The following TRPM2 variants were observed in gnomAD, a reference collection of about 807,000 sequenced individuals.
TRPM2 encodes transient receptor potential cation channel subfamily M member 2.
A neutral mutation model predicts 174.0 loss-of-function variants in TRPM2; 161 were observed. The observed-to-expected ratio is 0.93, with a 90% CI of 0.81 to 1.05. The LOEUF (loss-of-function observed/expected upper bound fraction) is 1.05, where lower values mean the gene tolerates loss of function less well. TRPM2 is among the 50% of genes least tolerant of loss of function. The probability of loss-of-function intolerance (pLI) is 0.00; values close to 1 mark genes in which losing one functional copy is unlikely to be tolerated. For missense variants in TRPM2, 2,057 were observed against 2,038.0 expected, an observed-to-expected ratio of 1.01 and a Z score of -0.18; for synonymous variants, 954 against 861.3, an observed-to-expected ratio of 1.11 and a Z score of -1.88.
chr21:44,440,651 G>A (rs938405717), intron 30 of TRPM2, 138 bp from the exon 31 acceptor site: 89 of 748,792 alleles, frequency 1.2e-4, no homozygotes, highest in Non-Finnish European at 1.9e-4. Flanking sequence ...GCTGGCGGGG[G>A]CTGGGGAGAG....
rs541377182 is a variant in TRPM2, at chr21:44,410,734, A to G, written c.2963-3157A>G. 4.1e-5 allele frequency among the ~76,000 whole-genome samples: 2 copies of G among 48,494 alleles called. 1 individual carries two copies. Among genetic ancestry groups the G allele is most frequent in the African/African-American group, 1.4e-4 (2 of 14,084 alleles). The allele number at this position is 48,494 out of a possible 152,430, so 31.8% of individuals were successfully genotyped here. On this transcript the variant is annotated intron_variant, in intron 19 of 31. Transcript: ENST00000397928. ...TAGCCTTGTAGTAAGTTTTGACCAC[A>G]CTGTCTTGTTGAGCGTAGCCTTGTA...
At chr21:44,368,721 C>T (rs556388714) in intron 4 of TRPM2, among the ~76,000 whole-genome samples, 1 of 152,136 alleles carries the variant, frequency 6.6e-6, no homozygotes, top group Non-Finnish European at 1.5e-5. Flanking sequence ...CGTGAGCCAC[C>T]GTGCCCGGCC....
chr21:44,427,815 T>C (rs1288317561), intron 27 of TRPM2, among the ~76,000 whole-genome samples: 1 of 151,356 alleles, frequency 6.6e-6, no homozygotes, highest in Non-Finnish European at 1.5e-5. Flanking sequence ...GGAGGTTGAG[T>C]AAGGAGGTGG....
At chr21:44,379,489 A>G (rs1049466404) in intron 8 of TRPM2, among the ~76,000 whole-genome samples, 2 of 152,098 alleles carry the variant, frequency 1.3e-5, no homozygotes, top group Admixed American at 1.3e-4. Context: ...GGTCTGCTGG[A>G]TTGGAGGGGT....
chr21:44,429,721 GTAAA>G (rs1164587712), intron 27 of TRPM2, among the ~76,000 whole-genome samples: 21 of 152,212 alleles, frequency 1.4e-4, no homozygotes, highest in African/African-American at 4.1e-4. Context: ...GATTTTCTAT[GTAAA>G]TAATATATAT....
At chr21:44,377,090 G>C (rs1258305849) in intron 6 of TRPM2, among the ~76,000 whole-genome samples, 1 of 152,206 alleles carries the variant, frequency 6.6e-6, no homozygotes, top group Non-Finnish European at 1.5e-5. Flanking sequence ...CACACTTTGA[G>C]AACCTGCTTG....
At position 44,406,680 on chromosome 21, in the gene TRPM2, C is replaced by G; in HGVS notation, c.2877C>G (p.Asn959Lys). Residue 959 changes from asparagine (N) to lysine (K), a missense_variant, in exon 19 of 32, where the codon AAC becomes AAG. Coordinates refer to ENST00000397928, the MANE Select transcript of TRPM2 (RefSeq NM_003307.4). ...CCAAGCAGGCCATCCTCATCCACAA[C>G]GAGCGCCGGGTGGACTGGCTGTTCC... ...GVAKQAILIHNERRVDWLFRG... is the reference protein window; with the variant it reads ...GVAKQAILIHKERRVDWLFRG... 1 of 1,610,414 alleles carries G rather than the reference C, an allele frequency of 6.2e-7. No individual in the cohort carries two copies. Among genetic ancestry groups the G allele is most frequent in the Non-Finnish European group, 8.5e-7 (1 of 1,179,418 alleles).
intron 11 of TRPM2, among the ~76,000 whole-genome samples, chr21:44,392,026 G>A (rs533526337): frequency 5.5e-4 from 84 of 152,114 alleles, no homozygotes; most frequent in East Asian, 3.9e-3. Context: ...GTGCAGTGGC[G>A]TGATCTTAGC....
At chr21:44,356,923 T>C (rs1039848956) in intron 2 of TRPM2, among the ~76,000 whole-genome samples, 14 of 152,246 alleles carry the variant, frequency 9.2e-5, no homozygotes, top group African/African-American at 3.4e-4. Flanking sequence ...TGGGAGTGTC[T>C]CTTACATGTT....
At position 44,427,046 on chromosome 21, in the gene TRPM2, G is replaced by A; in HGVS notation, c.3909G>A (p.Val1303=). The A allele has an allele frequency of 1.2e-6, 2 of 1,607,344 alleles. No homozygotes were observed. Among genetic ancestry groups the A allele is most frequent in the Non-Finnish European group, 1.7e-6 (2 of 1,177,746 alleles). Residue 1303 remains valine, a synonymous_variant, in exon 27 of 32, where the codon GTG becomes GTA. Transcript: ENST00000397928. ...CACTGTCCACGATCCAGTACAACGTGGTGGATGGCCTGAGGGACCGCCGGA... is the reference window on the plus strand; with the variant it reads ...CACTGTCCACGATCCAGTACAACGTAGTGGATGGCCTGAGGGACCGCCGGA... ...LEPLSTIQYN[V]VDGLRDRRSF...
At chr21:44,418,962 AG>A (rs963853675) in intron 22 of TRPM2, among the ~76,000 whole-genome samples, 1 of 152,188 alleles carries the variant, frequency 6.6e-6, no homozygotes, top group African/African-American at 2.4e-5. Context: ...TCGGCAGCCC[AG>A]CCCTCGGGGT....
At chr21:44,353,028 C>T (rs1378204269), upstream of TRPM2, among the ~76,000 whole-genome samples, 3 of 152,124 alleles carry the variant, frequency 2.0e-5, no homozygotes, top group Admixed American at 6.5e-5. Context: ...TGGTGATTGG[C>T]GCCCATAATC....
intron 16 of TRPM2, among the ~76,000 whole-genome samples, chr21:44,404,732 GGATAGTGATGATAGTGACAGT>G (rs1204719532): frequency 1.3e-5 from 2 of 151,340 alleles, no homozygotes; most frequent in Non-Finnish European, 2.9e-5. Flanking sequence ...GTGACAGCAA[GGATAGTGATGATAGTGACAGT>G]GATAGTGATG....
rs758597166 is a variant in TRPM2, at chr21:44,400,339, C to T, written c.2289C>T (p.Phe763=). 3.1e-6 allele frequency: 5 copies of T among 1,612,452 alleles called. No homozygotes were observed. In the East Asian group the frequency reaches 8.9e-5, roughly 29 times the overall value. ...GTGTGACCCTGTGCATGCTGGCCTT[C>T]CCGCTGCTCCTCACCGGCCTCATCT... ...LWRVTLCMLA[F]PLLLTGLISF... Residue 763 remains phenylalanine (F), a synonymous_variant, in exon 15 of 32, where the codon TTC becomes TTT. Transcript: ENST00000397928.
chr21:44,425,419 C>T, intron 24 of TRPM2: 1 of 447,748 alleles, frequency 2.2e-6, no homozygotes, highest in African/African-American at 2.0e-5. Flanking sequence ...CAGCTCATTG[C>T]CGAGGGCCCT....
intron 20 of TRPM2, chr21:44,416,728 G>A (rs1166305881): frequency 1.5e-5 from 3 of 206,798 alleles, no homozygotes; most frequent in Non-Finnish European, 3.0e-5. Context: ...CGTGTGGCGT[G>A]GCTCTGCTCT....
chr21:44,413,932 G>C lies in TRPM2; in HGVS notation c.3004G>C (p.Asp1002His), dbSNP rs148308750. The C allele has an allele frequency of 3.1e-6, 5 of 1,613,946 alleles. No homozygotes were observed. The South Asian group carries it at 4.4e-5, about 14-fold the overall frequency. Reference protein sequence around the residue: ...NPEHCSPNGTDPYKPKCPESD... With the variant: ...NPEHCSPNGTHPYKPKCPESD... ...GGAGCACTGCAGCCCCAATGGCACC[G>C]ACCCCTACAAGCCTAAGTGCCCCGA... The change falls in exon 20 of 32, where the codon GAC (aspartate) becomes CAC (histidine). Residue 1002 changes from aspartate (D) to histidine (H), a missense_variant. Coordinates refer to ENST00000397928, the MANE Select transcript of TRPM2 (RefSeq NM_003307.4).
chr21:44,408,247 G>A (rs1015183047), intron 19 of TRPM2, among the ~76,000 whole-genome samples: 9 of 152,052 alleles, frequency 5.9e-5, no homozygotes, highest in African/African-American at 2.2e-4. Flanking sequence ...GCGCAGGGCC[G>A]TTTCCACTTT....
chr21:44,369,214 C>G lies in TRPM2; in HGVS notation c.642C>G (p.Val214=). The change falls in exon 5 of 32, where the codon GTC becomes GTG. Residue 214 remains valine (V), a synonymous_variant. Transcript: ENST00000397928. The stretch of plus-strand genomic sequence containing the variant: ...TCACAGGGGGGTCCCACACCGGCGT[C>G]ATGAAGCAGGTAGGCGAGGCGGTGC... ...WIITGGSHTG[V]MKQVGEAVRD... is the part of the protein sequence containing the mutation. The G allele has an allele frequency of 6.2e-7, 1 of 1,613,272 alleles. No homozygotes were observed.
Sources: allele counts gnomAD v4.1 joint callset (sites outside exome capture counted in the v4.1 genomes callset), GRCh38; gene constraint gnomAD v4.1.1; transcripts MANE v1.5; gene names NCBI Gene and HGNC (gene_info 2026-07-23, HGNC 2026-07-21).